Variants in DMRT1 observed in about 807,000 individuals in gnomAD.
The protein encoded by DMRT1 is doublesex- and mab-3-related transcription factor 1.
Under a neutral mutation model 32.3 loss-of-function variants are expected in DMRT1, and 7 were observed. That is an observed-to-expected ratio of 0.22 (90% CI 0.12 to 0.41). The LOEUF (loss-of-function observed/expected upper bound fraction) is 0.41. Among genes scored for constraint, DMRT1 ranks in the 10% least tolerant of loss-of-function variants. The pLI, the probability that DMRT1 is intolerant of heterozygous loss-of-function variation, is 1.00. For synonymous variants in DMRT1, 278 were observed against 206.1 expected (o/e 1.35, Z -2.99); for missense variants, 625 against 500.5 (o/e 1.25, Z -2.37).
intron 2 of DMRT1, among the ~76,000 whole-genome samples, chr9:880,257 C>A (rs769337195): frequency 6.6e-6 from 1 of 152,158 alleles, no homozygotes; most frequent in African/African-American, 2.4e-5. Context: ...TGTGTGAGTC[C>A]TTCCCATTGA....
chr9:966,055 A>T (rs918625173), intron 4 of DMRT1, among the ~76,000 whole-genome samples: 3 of 152,212 alleles, frequency 2.0e-5, no homozygotes, highest in African/African-American at 7.2e-5. Flanking sequence ...GGAAGCTCTT[A>T]GTCGGCTCTC....
At chr9:884,070 G>C (rs1816833760) in intron 2 of DMRT1, among the ~76,000 whole-genome samples, 2 of 152,112 alleles carry the variant, frequency 1.3e-5, no homozygotes, top group African/African-American at 4.8e-5. Flanking sequence ...ATTTGGTTTT[G>C]TGACCTTTTT....
At chr9:961,496 TTC>T (rs776354311) in intron 4 of DMRT1, among the ~76,000 whole-genome samples, 8 of 152,326 alleles carry the variant, frequency 5.3e-5, no homozygotes, top group East Asian at 1.9e-4. Flanking sequence ...TAATGCTATT[TTC>T]TGTTTGGTTT....
chr9:860,035 G>A (rs558334194), intron 2 of DMRT1, among the ~76,000 whole-genome samples: 6 of 152,132 alleles, frequency 3.9e-5, no homozygotes, highest in African/African-American at 7.2e-5. Context: ...GGTGGCTCAC[G>A]CCTGTAATCC....
chr9:874,868 C>T lies in DMRT1; in HGVS notation c.539-19044C>T, dbSNP rs932369760. Among the ~76,000 whole-genome samples, 9 of 135,720 alleles carry T rather than the reference C, an allele frequency of 6.6e-5. No individual in the cohort carries two copies. In the East Asian group the frequency reaches 1.1e-3, roughly 17 times the overall value. 89.0% of individuals were successfully genotyped at this position (135,720 alleles called of 152,430 possible). ...TGTCACCCCAGCTGGAGTGCAGTGG[C>T]GCTATCTCACTTCACTGCAAGCTCC... is the stretch of plus-strand genomic sequence containing the variant. On this transcript the variant is annotated intron_variant, in intron 2 of 4. Coordinates refer to ENST00000382276, the MANE Select transcript of DMRT1 (RefSeq NM_021951.3).
At chr9:908,827 G>A (rs1325429736) in intron 3 of DMRT1, among the ~76,000 whole-genome samples, 1 of 151,924 alleles carries the variant, frequency 6.6e-6, no homozygotes, top group Non-Finnish European at 1.5e-5. Flanking sequence ...CTCCTCCCCC[G>A]TTTTCCCCTC....
chr9:853,736 C>G (rs1012167050), intron 2 of DMRT1, among the ~76,000 whole-genome samples: 8 of 151,652 alleles, frequency 5.3e-5, no homozygotes, highest in African/African-American at 1.9e-4. Context: ...AACTCCTGAC[C>G]TCAGGTGCTC....
At chr9:894,217 G>A (rs775115264) in intron 3 of DMRT1, 22 bp downstream of exon 3, 2 of 1,611,930 alleles carry the variant, frequency 1.2e-6, no homozygotes, top group East Asian at 4.5e-5. Flanking sequence ...ATTACCCAGA[G>A]AGTGAACTGG....
At chr9:962,702 T>C (rs1371983576) in intron 4 of DMRT1, among the ~76,000 whole-genome samples, 1 of 152,138 alleles carries the variant, frequency 6.6e-6, no homozygotes, top group Non-Finnish European at 1.5e-5. Flanking sequence ...TAAGGCTGAA[T>C]GCGCCCCTTC....
intron 3 of DMRT1, among the ~76,000 whole-genome samples, chr9:903,504 T>C (rs1817664226): frequency 6.6e-6 from 1 of 152,242 alleles, no homozygotes; most frequent in African/African-American, 2.4e-5. Flanking sequence ...TTGCATGCTT[T>C]TGATCCTGCA....
intron 2 of DMRT1, among the ~76,000 whole-genome samples, chr9:880,971 GGT>G (rs1295404735): frequency 6.6e-6 from 1 of 152,112 alleles, no homozygotes; most frequent in Non-Finnish European, 1.5e-5. Flanking sequence ...AAGATGTAAG[GGT>G]GTGATTTCTT....
chr9:897,269 C>T (rs926711922), intron 3 of DMRT1, among the ~76,000 whole-genome samples: 3 of 151,782 alleles, frequency 2.0e-5, no homozygotes, highest in African/African-American at 4.8e-5. Context: ...CGTGCCATCA[C>T]GCGTGGCTAT....
At chr9:862,512 G>A (rs1401765343) in intron 2 of DMRT1, among the ~76,000 whole-genome samples, 1 of 148,444 alleles carries the variant, frequency 6.7e-6, no homozygotes, top group Admixed American at 6.7e-5. Context: ...ACCGTGCAAT[G>A]GGGAGGGGGA....
At chr9:848,135 G>T (rs1025032332) in intron 2 of DMRT1, among the ~76,000 whole-genome samples, 1 of 152,212 alleles carries the variant, frequency 6.6e-6, no homozygotes, top group Non-Finnish European at 1.5e-5. Context: ...CAGCCTAGCA[G>T]TGTGATATCA....
chr9:849,587 C>G (rs928644660), intron 2 of DMRT1, among the ~76,000 whole-genome samples: 3 of 152,164 alleles, frequency 2.0e-5, no homozygotes, highest in African/African-American at 7.2e-5. Flanking sequence ...GGGAAAGTTA[C>G]AAAAGGAAGC....
intron 4 of DMRT1, among the ~76,000 whole-genome samples, chr9:923,303 G>A (rs1484948613): frequency 1.3e-5 from 2 of 152,194 alleles, no homozygotes; most frequent in African/African-American, 4.8e-5. Flanking sequence ...TGTGAGGTGA[G>A]GTGACATTCT....
chr9:943,630 G>A (rs578193988), intron 4 of DMRT1, among the ~76,000 whole-genome samples: 52 of 152,314 alleles, frequency 3.4e-4, no homozygotes, highest in Middle Eastern at 3.4e-3. Flanking sequence ...TCATGGGGAT[G>A]GTGGGGATAT....
chr9:958,904 GT>G (rs1396020966), intron 4 of DMRT1, among the ~76,000 whole-genome samples: 2 of 152,166 alleles, frequency 1.3e-5, no homozygotes, highest in African/African-American at 4.8e-5. Flanking sequence ...CTCCAAAACT[GT>G]AATCCTTTTT....
intron 3 of DMRT1, among the ~76,000 whole-genome samples, chr9:897,904 C>A (rs562183007): frequency 2.6e-5 from 4 of 152,194 alleles, no homozygotes; most frequent in African/African-American, 9.6e-5. Flanking sequence ...ATTTCTGTAT[C>A]TTTGGGGAAG....
Sources: allele counts gnomAD v4.1 joint callset (sites outside exome capture counted in the v4.1 genomes callset), GRCh38; gene constraint gnomAD v4.1.1; transcripts MANE v1.5; gene names NCBI Gene and HGNC (gene_info 2026-07-23, HGNC 2026-07-21).